Variants in NTNG1 observed in about 807,000 individuals in gnomAD.
The protein encoded by NTNG1 is netrin G1, also known as netrin-G1.
In NTNG1, 16 loss-of-function variants were observed where a neutral mutation model predicts 54.0. The ratio of observed to expected loss-of-function variants is 0.30; its 90% CI spans 0.20 to 0.45. The LOEUF (loss-of-function observed/expected upper bound fraction) is 0.45. NTNG1 is among the 20% of genes least tolerant of loss of function. The probability of loss-of-function intolerance (pLI) is 1.00; values close to 1 mark genes in which losing one functional copy is unlikely to be tolerated. For missense variants in NTNG1, 530 were observed against 678.7 expected (o/e 0.78, Z 2.43); for synonymous variants, 255 against 263.1 (o/e 0.97, Z 0.30).
chr1:107,313,457 C>T (rs995703734), intron 2 of NTNG1, among the ~76,000 whole-genome samples: 1 of 152,038 alleles, frequency 6.6e-6, no homozygotes, highest in African/African-American at 2.4e-5. Context: ...ATAGATGGAT[C>T]TGAGGTTCAC....
At chr1:107,170,301 GATAA>G (rs1459068511) in intron 2 of NTNG1, among the ~76,000 whole-genome samples, 1 of 152,116 alleles carries the variant, frequency 6.6e-6, no homozygotes, top group South Asian at 2.1e-4. Context: ...GCCTAAGGAA[GATAA>G]ATAAGTTATT....
chr1:107,479,037 A>C (rs751607857), intron 7 of NTNG1, among the ~76,000 whole-genome samples: 2 of 152,230 alleles, frequency 1.3e-5, no homozygotes, highest in Non-Finnish European at 2.9e-5. Context: ...CTTGCATATC[A>C]ATATTTGGAG....
intron 2 of NTNG1, among the ~76,000 whole-genome samples, chr1:107,247,405 A>G (rs1570950508): frequency 6.6e-6 from 1 of 152,322 alleles, no homozygotes; most frequent in East Asian, 1.9e-4. Context: ...AAGTTTCTCT[A>G]CTACTGATGA....
intron 2 of NTNG1, among the ~76,000 whole-genome samples, chr1:107,322,113 A>T (rs1570673900): frequency 6.6e-6 from 1 of 152,148 alleles, no homozygotes; most frequent in African/African-American, 2.4e-5. Context: ...CATATTTTTT[A>T]AAATAGGTTT....
At chr1:107,453,916 G>A (rs1676773340) in intron 7 of NTNG1, among the ~76,000 whole-genome samples, 1 of 152,050 alleles carries the variant, frequency 6.6e-6, no homozygotes, top group Admixed American at 6.6e-5. Context: ...CAAACAACTA[G>A]TAGCTGATAG....
chr1:107,280,034 GGTGTGTGTGT>G (rs58563513), intron 2 of NTNG1, among the ~76,000 whole-genome samples: 15 of 146,452 alleles, frequency 1.0e-4, no homozygotes, highest in African/African-American at 2.5e-4. Context: ...TTCCTTTGTT[GGTGTGTGTGT>G]GTGTGTGTGT....
chr1:107,394,530 T>C (rs1294609774), intron 3 of NTNG1, among the ~76,000 whole-genome samples: 1 of 152,142 alleles, frequency 6.6e-6, no homozygotes, highest in Non-Finnish European at 1.5e-5. Flanking sequence ...GAGTGGGATG[T>C]CTGAGGATTA....
chr1:107,289,259 C>T (rs560452678), intron 2 of NTNG1, among the ~76,000 whole-genome samples: 20 of 152,254 alleles, frequency 1.3e-4, no homozygotes, highest in African/African-American at 4.3e-4. Context: ...TCATCGGGAA[C>T]CTTGTGCTAT....
intron 2 of NTNG1, among the ~76,000 whole-genome samples, chr1:107,171,558 G>A (rs569872375): frequency 6.6e-6 from 1 of 152,236 alleles, no homozygotes; most frequent in South Asian, 2.1e-4. Context: ...GCAGCCAGTG[G>A]TCTGCCATTG....
intron 5 of NTNG1, among the ~76,000 whole-genome samples, chr1:107,412,028 A>T (rs1673848860): frequency 6.6e-6 from 1 of 152,194 alleles, no homozygotes; most frequent in Admixed American, 6.5e-5. Flanking sequence ...TATTGACAAC[A>T]ATTGCCCACC....
At chr1:107,430,159 G>A (rs1675168025) in intron 5 of NTNG1, among the ~76,000 whole-genome samples, 1 of 152,128 alleles carries the variant, frequency 6.6e-6, no homozygotes. Context: ...AAAGGCTTAA[G>A]AAAGCCATCT....
intron 2 of NTNG1, among the ~76,000 whole-genome samples, chr1:107,188,288 G>A (rs1657624271): frequency 6.6e-6 from 1 of 152,088 alleles, no homozygotes; most frequent in African/African-American, 2.4e-5. Context: ...CAGCACCAAG[G>A]CAGTAAGACA....
intron 2 of NTNG1, among the ~76,000 whole-genome samples, chr1:107,283,904 A>G (rs1208460932): frequency 6.6e-6 from 1 of 152,148 alleles, no homozygotes; most frequent in Non-Finnish European, 1.5e-5. Flanking sequence ...TAATTTTGGC[A>G]TATTGCTATA....
intron 3 of NTNG1, among the ~76,000 whole-genome samples, chr1:107,361,391 A>T (rs374881073): frequency 0.057 from 5,039 of 88,006 alleles, 206 homozygotes; most frequent in African/African-American, 0.081. Flanking sequence ...ATATATATAT[A>T]TTTTTTTTTT....
chr1:107,244,803 T>C (rs967763849), intron 2 of NTNG1, among the ~76,000 whole-genome samples: 10 of 152,176 alleles, frequency 6.6e-5, no homozygotes, highest in African/African-American at 2.2e-4. Context: ...CAGCAGGACC[T>C]TGACTGTGGC....
At chr1:107,205,631 A>AAAG (rs1553200901) in intron 2 of NTNG1, among the ~76,000 whole-genome samples, 59 of 152,146 alleles carry the variant, frequency 3.9e-4, no homozygotes, top group African/African-American at 1.3e-3. Flanking sequence ...TTTTTTTAAA[A>AAAG]AAAACTATAT....
intron 2 of NTNG1, among the ~76,000 whole-genome samples, chr1:107,168,531 T>C (rs959770663): frequency 3.9e-5 from 6 of 152,142 alleles, no homozygotes; most frequent in Non-Finnish European, 5.9e-5. Flanking sequence ...CTCTGCTCCC[T>C]TGAGGAAAAT....
intron 3 of NTNG1, among the ~76,000 whole-genome samples, chr1:107,388,192 T>C (rs1300865100): frequency 6.6e-6 from 1 of 152,150 alleles, no homozygotes; most frequent in Non-Finnish European, 1.5e-5. Flanking sequence ...ACAGCCCAAG[T>C]CCATAGTAGT....
intron 1 of NTNG1, chr1:107,143,474 T>A (rs909858582): frequency 6.6e-6 from 1 of 152,096 alleles, no homozygotes; most frequent in African/African-American, 2.4e-5. Flanking sequence ...TTTCTAAGTG[T>A]CATAAAAATT....
Sources: allele counts gnomAD v4.1 joint callset (sites outside exome capture counted in the v4.1 genomes callset), GRCh38; gene constraint gnomAD v4.1.1; transcripts MANE v1.5; gene names NCBI Gene and HGNC (gene_info 2026-07-23, HGNC 2026-07-21).